The following PRPF6 variants were observed in gnomAD, a reference collection of about 807,000 sequenced individuals.
PRPF6 encodes the protein pre-mRNA-processing factor 6.
A neutral mutation model predicts 118.3 loss-of-function variants in PRPF6; 42 were observed. The observed-to-expected ratio is 0.35, with a 90% CI of 0.28 to 0.46. PRPF6 has a LOEUF of 0.46. Ranked by LOEUF, PRPF6 falls within the 20% of genes least tolerant of loss-of-function variation. The probability of loss-of-function intolerance (pLI) is 1.00; values close to 1 mark genes in which losing one functional copy is unlikely to be tolerated. For synonymous variants in PRPF6, 481 were observed against 485.1 expected (o/e 0.99, Z 0.11); for missense variants, 662 against 1,255.7 (o/e 0.53, Z 7.15).
In PRPF6 at chr20:63,996,090, C is replaced by CAG. The variant is rs534936521; in HGVS notation, c.771+610_771+611dup. On this transcript the variant is annotated intron_variant, in intron 6 of 20. Transcript: ENST00000266079. ...AGGTGCTCTAGACACCAGTGAAGTA[C>CAG]AGAACTCTTTCTGATATGCATATCA... Among the ~76,000 whole-genome samples the CAG allele has an allele frequency of 3.0e-4, 45 of 152,138 alleles. No homozygotes were observed. The South Asian group carries it at 8.3e-3, about 28-fold the overall frequency.
intron 2 of PRPF6, among the ~76,000 whole-genome samples, chr20:63,983,840 A>T (rs2059082116): frequency 6.6e-6 from 1 of 151,852 alleles, no homozygotes. Flanking sequence ...TTTAGTAGAG[A>T]CAGGGTTTCT....
rs555886368 is a variant in PRPF6 at position 64,011,267 on chromosome 20, C to T, written c.1306-18C>T. 21 of 1,612,690 alleles carry T rather than the reference C, an allele frequency of 1.3e-5. No homozygotes were observed. Among genetic ancestry groups the T allele is most frequent in the Admixed American group, 8.3e-5 (5 of 59,984 alleles). ...CAGCACAGTGTCCTCTCCTTTTTCT[C>T]GTGTCCTCTCCGCGTAGCTCTGGCT... On this transcript the variant is annotated intron_variant, in intron 10 of 20. Transcript: ENST00000266079. The surrounding 1 kb of genome is among the most constrained non-coding windows in gnomAD (Gnocchi z 6.7).
In PRPF6 at chr20:64,032,842, A is replaced by G. The variant is rs1408738075; in HGVS notation, c.2675A>G (p.Glu892Gly). The G allele has an allele frequency of 1.2e-6, 2 of 1,607,700 alleles. No individual in the cohort carries two copies. Among genetic ancestry groups the G allele is most frequent in the Non-Finnish European group, 1.7e-6 (2 of 1,177,916 alleles). Residue 892 changes from glutamate to glycine, a missense_variant and splice_region_variant, in exon 21 of 21, where the codon GAG (glutamate) becomes GGG (glycine). Glu to Gly is a moderately conservative substitution (Grantham distance 98). Transcript: ENST00000266079. Reference sequence around the variant, plus strand: ...TGACGTGCCCTGTGGTCCCCCCAGGAGCAGCAGGAGGAGGTGAGGAAGCGC... The same window carrying G: ...TGACGTGCCCTGTGGTCCCCCCAGGGGCAGCAGGAGGAGGTGAGGAAGCGC... ...YKFELQHGTE[E>G]QQEEVRKRCE...
rs2059217677 is a variant in PRPF6 at position 64,011,646 on chromosome 20, T to G, written c.1524+143T>G. On this transcript the variant is annotated intron_variant, in intron 11 of 20. Transcript: ENST00000266079. This position sits in a 1 kb window ranked among gnomAD's most constrained non-coding sequence, Gnocchi z 6.7. ...AGCAGGCACAGGTGTGAATGGGCCCTGAGGGACCTGGGCATGCCCACTGTC... is the reference window on the plus strand; with the variant it reads ...AGCAGGCACAGGTGTGAATGGGCCCGGAGGGACCTGGGCATGCCCACTGTC... The G allele has an allele frequency of 4.1e-5, 37 of 901,658 alleles. No homozygotes were observed. The highest frequency in any genetic ancestry group is 6.1e-5 in the Non-Finnish European group (35 of 574,108). 55.9% of individuals were successfully genotyped at this position (901,658 alleles called of 1,614,324 possible). A position where few individuals can be genotyped will look rare whatever the true frequency, so the allele number is the denominator to read the frequency against.
intron 3 of PRPF6, among the ~76,000 whole-genome samples, chr20:63,992,364 C>T (rs2059122391): frequency 6.6e-6 from 1 of 152,040 alleles, no homozygotes. Context: ...CAGGTTCAAG[C>T]AATTCTCCTA....
intron 14 of PRPF6, 48 bp from the exon 15 acceptor site, chr20:64,025,891 G>T (rs1265058097): frequency 6.2e-7 from 1 of 1,612,978 alleles, no homozygotes; most frequent in Non-Finnish European, 8.5e-7. Flanking sequence ...ATCAGGCGCT[G>T]GTCCCTGTGT....
At chr20:63,994,221 G>A (rs538949409) in intron 4 of PRPF6, among the ~76,000 whole-genome samples, 23 of 148,162 alleles carry the variant, frequency 1.6e-4, no homozygotes, top group African/African-American at 5.3e-4. Context: ...GCAATGACGC[G>A]ATCTCAGCTC....
chr20:64,001,109 G>A lies in PRPF6; in HGVS notation c.1056G>A (p.Leu352=). The change falls in exon 9 of 21, where the codon TTG becomes TTA. Residue 352 remains leucine, a synonymous_variant. Coordinates refer to ENST00000266079, the MANE Select transcript of PRPF6 (RefSeq NM_012469.4). ...SEDVWLEAAR[L]QPGDTAKAVV... ...ATGTCTGGCTGGAAGCAGCCAGGTT[G>A]CAGCCTGGGGACACAGCCAAGGCCG... 6.2e-7 allele frequency: 1 copy of A among 1,614,166 alleles called. No homozygotes were observed. Among genetic ancestry groups the A allele is most frequent in the Non-Finnish European group, 8.5e-7 (1 of 1,180,032 alleles).
chr20:64,009,426 CAT>C (rs1408893563), intron 9 of PRPF6, among the ~76,000 whole-genome samples: 1 of 151,914 alleles, frequency 6.6e-6, no homozygotes, highest in Admixed American at 6.6e-5. Context: ...TCGACCAAGG[CAT>C]AGAGCATTTC....
intron 19 of PRPF6, among the ~76,000 whole-genome samples, chr20:64,031,463 A>AG (rs2059313297): frequency 6.6e-6 from 1 of 152,122 alleles, no homozygotes; most frequent in Non-Finnish European, 1.5e-5. Context: ...TCATGAGGTC[A>AG]GGAGTTTGAG....
intron 3 of PRPF6, among the ~76,000 whole-genome samples, chr20:63,990,075 A>T (rs901425751): frequency 2.6e-5 from 4 of 151,484 alleles, no homozygotes; most frequent in Admixed American, 2.6e-4. Flanking sequence ...GCCGGTCTTG[A>T]ACTCCTGACC....
At chr20:63,999,261 G>A (rs1192236442) in intron 7 of PRPF6, 122 bp downstream of exon 7, 6 of 854,892 alleles carry the variant, frequency 7.0e-6, no homozygotes, top group Non-Finnish European at 1.2e-5. Flanking sequence ...ATGTAAAGTG[G>A]AGTAGTTTGT....
intron 9 of PRPF6, among the ~76,000 whole-genome samples, chr20:64,006,747 C>A (rs140960077): frequency 1.3e-5 from 2 of 152,126 alleles, no homozygotes; most frequent in Non-Finnish European, 2.9e-5. Context: ...TTCCTAGACC[C>A]GTGTGTTCTG....
chr20:64,021,988 CTGTGTGTGTGTG>C (rs111363019), intron 12 of PRPF6, among the ~76,000 whole-genome samples: 38 of 135,838 alleles, frequency 2.8e-4, no homozygotes, highest in African/African-American at 1.1e-3. Context: ...GGCCACAGCC[CTGTGTGTGTGTG>C]TGTGTGTGTG....
chr20:63,991,517 C>G (rs904916261), intron 3 of PRPF6, among the ~76,000 whole-genome samples: 4 of 152,148 alleles, frequency 2.6e-5, no homozygotes, highest in Non-Finnish European at 5.9e-5. Context: ...CTTGGCCGAG[C>G]ACGGTGGCTC....
chr20:64,020,970 AG>A (rs979089005), intron 12 of PRPF6, among the ~76,000 whole-genome samples: 3 of 152,184 alleles, frequency 2.0e-5, no homozygotes, highest in African/African-American at 4.8e-5. Context: ...TATTTTTAGT[AG>A]AGACAGGGTT....
intron 9 of PRPF6, among the ~76,000 whole-genome samples, chr20:64,009,713 C>G (rs1049151830): frequency 6.6e-6 from 1 of 152,198 alleles, no homozygotes; most frequent in African/African-American, 2.4e-5. Context: ...TAGAATGAGA[C>G]TCTGTCTCAA....
chr20:63,991,126 A>G, intron 3 of PRPF6, among the ~76,000 whole-genome samples: 1 of 152,006 alleles, frequency 6.6e-6, no homozygotes, highest in South Asian at 2.1e-4. Flanking sequence ...GGGTTAATGC[A>G]TTTTAAAAAA....
Position 64,001,161 on chromosome 20 carries a change from C to T in PRPF6, c.1108C>T (p.Pro370Ser). The T allele has an allele frequency of 6.2e-7, 1 of 1,614,228 alleles. No individual in the cohort carries two copies. Among genetic ancestry groups the T allele is most frequent in the South Asian group, 1.1e-5 (1 of 91,082 alleles). Reference sequence around the variant, plus strand: ...GGTAGCCCAAGCTGTCCGTCATCTCCCACAGTCTGTCAGGATTTACATCAG... The same window carrying T: ...GGTAGCCCAAGCTGTCCGTCATCTCTCACAGTCTGTCAGGATTTACATCAG... ...AVVAQAVRHL[P>S]QSVRIYIRAA... is the part of the protein sequence containing the mutation. Residue 370 changes from proline (P) to serine (S), a missense_variant, in exon 9 of 21, where the codon CCA becomes TCA. By Grantham distance (74) the Pro-to-Ser change is moderately conservative. Transcript: ENST00000266079.
Sources: allele counts gnomAD v4.1 joint callset (sites outside exome capture counted in the v4.1 genomes callset), GRCh38; gene constraint gnomAD v4.1.1; non-coding constraint Gnocchi (gnomAD v3.1); transcripts MANE v1.5; gene names NCBI Gene and HGNC (gene_info 2026-07-23, HGNC 2026-07-21).